The following LAMC3 variants were observed in gnomAD, a reference collection of about 807,000 sequenced individuals.
LAMC3 encodes the protein laminin subunit gamma-3.
LAMC3 carries 128 observed loss-of-function variants against 173.8 expected under a neutral mutation model. The observed-to-expected ratio is 0.74, with a 90% confidence interval of 0.64 to 0.85. The LOEUF (loss-of-function observed/expected upper bound fraction) is 0.85. Ranked by LOEUF, LAMC3 falls within the 40% of genes least tolerant of loss-of-function variation. LAMC3 has a pLI of 0.00. For synonymous variants in LAMC3, 897 were observed against 909.1 expected (o/e 0.99, Z 0.24); for missense variants, 2,022 against 2,156.0 (o/e 0.94, Z 1.23).
chr9:131,039,608 G>T (rs1396725799), intron 6 of LAMC3, among the ~76,000 whole-genome samples: 1 of 119,374 alleles, frequency 8.4e-6, no homozygotes, highest in African/African-American at 3.9e-5. Flanking sequence ...GAGTGGGTGA[G>T]GGGGAGGCTG....
At chr9:131,052,053 A>G (rs373857564) in intron 9 of LAMC3, among the ~76,000 whole-genome samples, 3 of 152,126 alleles carry the variant, frequency 2.0e-5, no homozygotes, top group Admixed American at 2.0e-4. Context: ...CAGCCAGCTC[A>G]CTTACCTTGC....
rs781181695 is a variant in LAMC3 at position 131,069,695 on chromosome 9, G to A, written c.2914G>A (p.Ala972Thr). The A allele has an allele frequency of 3.9e-5, 62 of 1,593,218 alleles. No homozygotes were observed. The highest frequency in any genetic ancestry group is 4.8e-5 in the Non-Finnish European group (56 of 1,171,970). Reference protein sequence around the residue: ...CRACRCSPLGAASAQCHENGT... With the variant: ...CRACRCSPLGTASAQCHENGT... ...AGCCTGCAGGTGCTCCCCACTGGGC[G>A]CTGCCTCGGCCCAGTGCCACGAGAA... Residue 972 changes from alanine (A) to threonine (T), a missense_variant, in exon 17 of 28, where the codon GCT becomes ACT. Transcript: ENST00000361069.
rs1830459214 is a variant in LAMC3 at position 131,093,590 on chromosome 9, C to T, written c.*1803C>T. 1 of 152,310 alleles carries T rather than the reference C, an allele frequency of 6.6e-6. No individual in the cohort carries two copies. Among genetic ancestry groups the T allele is most frequent in the African/African-American group, 2.4e-5 (1 of 41,440 alleles). The allele number at this position is 152,310 out of a possible 1,614,324, so 9.4% of individuals were successfully genotyped here. A position where few individuals can be genotyped will look rare whatever the true frequency, so the allele number is the denominator to read the frequency against. ...GGAGCTGCTCAGTCAGGGCTCTTGG[C>T]CGCAGGCCTCAAACCCCTCCTGAGG... On this transcript the variant is annotated 3_prime_UTR_variant, in exon 28 of 28. Coordinates refer to ENST00000361069, the MANE Select transcript of LAMC3 (RefSeq NM_006059.4).
chr9:131,031,949 T>TC, intron 2 of LAMC3, 96 bp from the exon 3 acceptor site: 2 of 1,608,528 alleles, frequency 1.2e-6, no homozygotes, highest in Non-Finnish European at 1.7e-6. Flanking sequence ...TCCCAGGAGC[T>TC]CCCGGGGCAG....
chr9:131,074,227 C>T (rs990555607), intron 20 of LAMC3, among the ~76,000 whole-genome samples: 9 of 150,854 alleles, frequency 6.0e-5, no homozygotes, highest in African/African-American at 2.4e-5. Flanking sequence ...GGATTACAGG[C>T]GTGAGCCACC....
At chr9:131,032,505 T>TCA (rs1448048088) in intron 3 of LAMC3, among the ~76,000 whole-genome samples, 30 of 109,498 alleles carry the variant, frequency 2.7e-4, no homozygotes, top group African/African-American at 8.5e-4. Context: ...TCTCTCTCAC[T>TCA]CGCTCTCTCT....
chr9:131,010,156 A>C (rs1833387417), intron 1 of LAMC3, among the ~76,000 whole-genome samples: 2 of 123,914 alleles, frequency 1.6e-5, no homozygotes, highest in African/African-American at 7.2e-5. Flanking sequence ...CCGTCTCAAA[A>C]AAAAAAAAAA....
chr9:131,011,190 A>G (rs1308161831), intron 1 of LAMC3, among the ~76,000 whole-genome samples: 2 of 152,200 alleles, frequency 1.3e-5, no homozygotes, highest in African/African-American at 4.8e-5. Context: ...TTAGCACAAT[A>G]TATGGTATAA....
intron 19 of LAMC3, 85 bp from the exon 20 acceptor site, chr9:131,073,160 G>T (rs1040212963): frequency 6.7e-6 from 7 of 1,041,578 alleles, no homozygotes; most frequent in African/African-American, 1.6e-5. Context: ...GTGCCATCCA[G>T]TTCTGCCTCA....
At chr9:131,079,453 G>A (rs1180012804) in intron 23 of LAMC3, among the ~76,000 whole-genome samples, 155 bp downstream of exon 23, 1 of 152,146 alleles carries the variant, frequency 6.6e-6, no homozygotes, top group Non-Finnish European at 1.5e-5. Context: ...CCACCACTTT[G>A]GGAGGCCGAG....
chr9:131,047,319 C>A (rs544171810), intron 8 of LAMC3, among the ~76,000 whole-genome samples: 1 of 151,066 alleles, frequency 6.6e-6, no homozygotes. Flanking sequence ...CACCCACCAC[C>A]ACGCCCAGCT....
Position 131,085,386 on chromosome 9 carries a change from T to C in LAMC3, c.4031-138T>C, listed in dbSNP as rs36035484. 340,621 of 798,376 alleles carry C rather than the reference T, an allele frequency of 0.43. 75,636 individuals are homozygous for C. Among genetic ancestry groups the C allele is most frequent in the African/African-American group, 0.68 (39,969 of 58,570 alleles). The allele number at this position is 798,376 out of a possible 1,614,324, so 49.5% of individuals were successfully genotyped here. A position where few individuals can be genotyped will look rare whatever the true frequency, so the allele number is the denominator to read the frequency against. Reference sequence around the variant, plus strand: ...CCTGGATAAGCCTGAGAAGGCGATATGCACGTTGCATGCACTTCAGACCTC... The same window carrying C: ...CCTGGATAAGCCTGAGAAGGCGATACGCACGTTGCATGCACTTCAGACCTC... On this transcript the variant is annotated intron_variant, in intron 24 of 27. Transcript: ENST00000361069.
At chr9:131,062,954 C>G (rs1424660870) in intron 13 of LAMC3, among the ~76,000 whole-genome samples, 4 of 152,058 alleles carry the variant, frequency 2.6e-5, no homozygotes, top group Admixed American at 2.6e-4. Context: ...CTCTCTGTCT[C>G]TATGAATTTG....
At position 131,072,819 on chromosome 9, in the gene LAMC3, C is replaced by T; in HGVS notation, c.3401C>T (p.Ala1134Val). ...SSEEEILHAA[A>V]ILASLEIPQE... ...GAAGAGGAGATTCTGCATGCAGCTG[C>T]CATTCTCGCGTCTCTGGTATCCCAG... Residue 1134 changes from alanine (A) to valine (V), a missense_variant, in exon 19 of 28, where the codon GCC becomes GTC. Coordinates refer to ENST00000361069, the MANE Select transcript of LAMC3 (RefSeq NM_006059.4). The T allele has an allele frequency of 6.2e-7, 1 of 1,611,734 alleles. No individual in the cohort carries two copies. The highest frequency in any genetic ancestry group is 1.1e-5 in the South Asian group (1 of 90,332).
intron 3 of LAMC3, 34 bp from the exon 4 acceptor site, chr9:131,036,132 G>A: frequency 6.2e-7 from 1 of 1,612,060 alleles, no homozygotes; most frequent in Non-Finnish European, 8.5e-7. Context: ...GCCGGCACCT[G>A]CGGGTCCCCT....
At chr9:131,028,070 C>T (rs752033216) in intron 2 of LAMC3, among the ~76,000 whole-genome samples, 4 of 152,234 alleles carry the variant, frequency 2.6e-5, no homozygotes, top group Non-Finnish European at 4.4e-5. Flanking sequence ...AGGAGATGAG[C>T]GCGGGCAGGT....
At chr9:131,068,333 A>G in intron 15 of LAMC3, 102 bp downstream of exon 15, 1 of 1,220,160 alleles carries the variant, frequency 8.2e-7, no homozygotes, top group Non-Finnish European at 1.1e-6. Flanking sequence ...GTGTTGTCCT[A>G]GGCCCACTGC....
At chr9:131,034,621 GC>G (rs1467243060) in intron 3 of LAMC3, among the ~76,000 whole-genome samples, 1 of 152,250 alleles carries the variant, frequency 6.6e-6, no homozygotes, top group Non-Finnish European at 1.5e-5. Flanking sequence ...CAAGGCCTGA[GC>G]CTGATGCCTC....
At chr9:131,074,867 C>T (rs956339374) in intron 20 of LAMC3, among the ~76,000 whole-genome samples, 49 of 152,186 alleles carry the variant, frequency 3.2e-4, no homozygotes, top group African/African-American at 1.2e-3. Flanking sequence ...GCAATAAAGC[C>T]AGGATTCAAA....
Sources: gnomAD v4.1 joint callset for allele counts (sites outside exome capture counted in the v4.1 genomes callset) on GRCh38, gnomAD v4.1.1 for gene constraint, MANE v1.5 for transcripts, NCBI Gene and HGNC (gene_info 2026-07-23, HGNC 2026-07-21) for gene names.